The following LDLRAD4 variants were observed in gnomAD, a reference collection of about 807,000 sequenced individuals.
LDLRAD4 encodes low-density lipoprotein receptor class A domain-containing protein 4.
A neutral mutation model predicts 17.0 loss-of-function variants in LDLRAD4; 5 were observed. The ratio of observed to expected loss-of-function variants is 0.29; its 90% CI spans 0.15 to 0.62. The LOEUF (loss-of-function observed/expected upper bound fraction) is 0.62, where lower values mean the gene tolerates loss of function less well. Among genes scored for constraint, LDLRAD4 ranks in the 20% least tolerant of loss-of-function variants. The pLI, the probability that LDLRAD4 is intolerant of heterozygous loss-of-function variation, is 0.84. For synonymous variants in LDLRAD4, 168 were observed against 171.8 expected (o/e 0.98, Z 0.17); for missense variants, 340 against 424.7 (o/e 0.80, Z 1.75).
intron 1 of LDLRAD4, among the ~76,000 whole-genome samples, chr18:13,383,421 T>A (rs2085538874): frequency 6.6e-6 from 1 of 152,108 alleles, no homozygotes; most frequent in African/African-American, 2.4e-5. Flanking sequence ...GCGGGTTGTG[T>A]AGCAGGGTCT....
At chr18:13,271,614 C>T (rs541228154) in intron 1 of LDLRAD4, among the ~76,000 whole-genome samples, 107 of 152,328 alleles carry the variant, frequency 7.0e-4, no homozygotes, top group Middle Eastern at 3.4e-3. Flanking sequence ...GCCCCTGTTG[C>T]GTGAAGTCCT....
chr18:13,395,474 C>CA (rs1438164582), intron 2 of LDLRAD4, among the ~76,000 whole-genome samples: 2 of 14,378 alleles, frequency 1.4e-4, no homozygotes, highest in Non-Finnish European at 1.3e-4. Flanking sequence ...GGGGTGGGGG[C>CA]TGGCAGGGTG....
chr18:13,483,301 G>A (rs2093139543), intron 3 of LDLRAD4, among the ~76,000 whole-genome samples: 1 of 152,110 alleles, frequency 6.6e-6, no homozygotes, highest in South Asian at 2.1e-4. Flanking sequence ...CTGTGTTCTT[G>A]GGCTCTCAGC....
At chr18:13,218,759 T>G (rs2041281808), upstream of LDLRAD4, 1 of 152,218 alleles carries the variant, frequency 6.6e-6, no homozygotes, top group South Asian at 2.1e-4. Flanking sequence ...GGAAGTCGAT[T>G]GTCTGGGGCT....
At chr18:13,294,699 C>T (rs931226821) in intron 1 of LDLRAD4, among the ~76,000 whole-genome samples, 1 of 151,894 alleles carries the variant, frequency 6.6e-6, no homozygotes, top group East Asian at 1.9e-4. Flanking sequence ...GTTGTGGAGC[C>T]CACTGAAAAT....
Position 13,622,452 on chromosome 18 carries a change from G to T in LDLRAD4, c.336+1181G>T, listed in dbSNP as rs914891907. On this transcript the variant is annotated intron_variant, in intron 4 of 5. Coordinates refer to ENST00000359446, the Ensembl canonical transcript of LDLRAD4. The surrounding 1 kb of genome is among the most constrained non-coding windows in gnomAD (Gnocchi z 5.3). ...ATGCCAGGGGAAGACGTGCACCCTTGACAGCCGTTTCCTCCTCTTGCCCCC... is the reference window on the plus strand; with the variant it reads ...ATGCCAGGGGAAGACGTGCACCCTTTACAGCCGTTTCCTCCTCTTGCCCCC... Among the ~76,000 whole-genome samples the T allele has an allele frequency of 6.6e-6, 1 of 152,162 alleles. No individual in the cohort carries two copies. Among genetic ancestry groups the T allele is most frequent in the African/African-American group, 2.4e-5 (1 of 41,428 alleles).
At chr18:13,551,745 A>G (rs9947231) in intron 3 of LDLRAD4, among the ~76,000 whole-genome samples, 3 of 152,094 alleles carry the variant, frequency 2.0e-5, no homozygotes, top group Admixed American at 6.5e-5. Flanking sequence ...TGCCATGAAT[A>G]TGGGCCTATC....
intron 4 of LDLRAD4, among the ~76,000 whole-genome samples, chr18:13,623,529 G>A (rs1401041962): frequency 6.6e-6 from 1 of 152,168 alleles, no homozygotes; most frequent in Non-Finnish European, 1.5e-5. Context: ...TCCTCCTACG[G>A]CTTCAGCGTA....
chr18:13,596,435 A>G (rs934385581), intron 3 of LDLRAD4, among the ~76,000 whole-genome samples: 2 of 151,692 alleles, frequency 1.3e-5, no homozygotes, highest in African/African-American at 4.8e-5. Context: ...TTCTTCCTCT[A>G]TTCCTCCTAT....
At position 13,491,371 on chromosome 18, in the gene LDLRAD4, G is replaced by A. The variant is rs552408892; in HGVS notation, c.181+52987G>A. 14 of 152,284 alleles carry A rather than the reference G, an allele frequency of 9.2e-5. No homozygotes were observed. The East Asian group carries it at 1.9e-3, about 21-fold the overall frequency. The allele number at this position is 152,284 out of a possible 1,614,324, so 9.4% of individuals were successfully genotyped here. ...CATGGGCTTGTCACCGAGTGCATCCGTCATGCTCGGGCCATGGGCCGGCAC... is the reference window on the plus strand; with the variant it reads ...CATGGGCTTGTCACCGAGTGCATCCATCATGCTCGGGCCATGGGCCGGCAC... On this transcript the variant is annotated intron_variant, in intron 3 of 5. Transcript: ENST00000359446.
exon 6 of LDLRAD4, chr18:13,649,897 C>T (rs1225114750): frequency 7.6e-6 from 3 of 396,568 alleles, no homozygotes; most frequent in Non-Finnish European, 1.3e-5. Flanking sequence ...CCAAGAATGC[C>T]GCGTGCTTGG....
At chr18:13,586,608 A>G (rs1601562626) in intron 3 of LDLRAD4, among the ~76,000 whole-genome samples, 1 of 151,738 alleles carries the variant, frequency 6.6e-6, no homozygotes, top group African/African-American at 2.4e-5. Flanking sequence ...CAATCTCAAA[A>G]CAATCTGGAT....
At chr18:13,346,004 A>G (rs189746661) in intron 1 of LDLRAD4, among the ~76,000 whole-genome samples, 1,883 of 152,020 alleles carry the variant, frequency 0.012, 18 homozygotes, top group African/African-American at 0.034. Context: ...CGGTCTATCA[A>G]TGTTGTTGAT....
At chr18:13,476,484 C>T (rs1170053401) in intron 3 of LDLRAD4, among the ~76,000 whole-genome samples, 1 of 151,802 alleles carries the variant, frequency 6.6e-6, no homozygotes, top group Non-Finnish European at 1.5e-5. Flanking sequence ...ATTAGCCTGG[C>T]ATGGTGGTGT....
intron 1 of LDLRAD4, among the ~76,000 whole-genome samples, chr18:13,348,072 C>T (rs182909566): frequency 1.3e-5 from 2 of 152,324 alleles, no homozygotes; most frequent in East Asian, 3.9e-4. Context: ...TTTCTCAACT[C>T]GTCAAAGTCA....
intron 1 of LDLRAD4, among the ~76,000 whole-genome samples, chr18:13,355,920 A>C (rs1199024340): frequency 6.6e-6 from 1 of 152,224 alleles, no homozygotes; most frequent in African/African-American, 2.4e-5. Flanking sequence ...ATGAGCCTCT[A>C]TGCTTGGCCT....
At chr18:13,386,842 G>A (rs1166155449) in intron 1 of LDLRAD4, among the ~76,000 whole-genome samples, 1 of 152,164 alleles carries the variant, frequency 6.6e-6, no homozygotes, top group Non-Finnish European at 1.5e-5. Flanking sequence ...GATTGCTTGA[G>A]GCAGGAGTTT....
chr18:13,328,833 G>A (rs1199697706), intron 1 of LDLRAD4, among the ~76,000 whole-genome samples: 1 of 151,998 alleles, frequency 6.6e-6, no homozygotes, highest in African/African-American at 2.4e-5. Flanking sequence ...ATATTTAGTT[G>A]TTTTTATTAT....
At position 13,564,360 on chromosome 18, in the gene LDLRAD4, G is replaced by A. The variant is rs544331588; in HGVS notation, c.182-56757G>A. 4.0e-5 allele frequency among the ~76,000 whole-genome samples: 6 copies of A among 151,632 alleles called. No homozygotes were observed. In the East Asian group the frequency reaches 1.2e-3, roughly 30 times the overall value. On this transcript the variant is annotated intron_variant, in intron 3 of 5. Coordinates refer to ENST00000359446, the Ensembl canonical transcript of LDLRAD4. ...ATGTTGTTGTATCTAAAGGTAAATT[G>A]CACATCTCTGGCAATTTTCCTTGCC...
Sources: gnomAD v4.1 joint callset for allele counts (sites outside exome capture counted in the v4.1 genomes callset) on GRCh38, gnomAD v4.1.1 for gene constraint, Gnocchi (gnomAD v3.1) non-coding constraint, MANE v1.5 for transcripts, NCBI Gene and HGNC (gene_info 2026-07-23, HGNC 2026-07-21) for gene names.